Variants in RIMS2 observed in about 807,000 individuals in gnomAD.
RIMS2 encodes regulating synaptic membrane exocytosis protein 2.
RIMS2 carries 59 observed loss-of-function variants against 174.4 expected under a neutral mutation model. The ratio of observed to expected loss-of-function variants is 0.34; its 90% CI spans 0.27 to 0.42. The LOEUF is 0.42. Ranked by LOEUF, RIMS2 falls within the 10% of genes least tolerant of loss-of-function variation. RIMS2 has a pLI of 1.00. For missense variants in RIMS2, 1,620 were observed against 1,666.3 expected (o/e 0.97, Z 0.48); for synonymous variants, 606 against 572.5 (o/e 1.06, Z -0.84).
intron 1 of RIMS2, among the ~76,000 whole-genome samples, chr8:103,502,735 C>T (rs2130798044): frequency 6.6e-6 from 1 of 152,112 alleles, no homozygotes; most frequent in Admixed American, 6.5e-5. Flanking sequence ...TGATAAAAAT[C>T]AGTGCGGCCA....
chr8:103,819,380 T>G, intron 3 of RIMS2: 2 of 1,554,698 alleles, frequency 1.3e-6, no homozygotes, highest in Admixed American at 2.1e-5. Context: ...TTAAGCACAG[T>G]TTTTACAGAG....
chr8:103,981,133 A>G (rs1031485355), intron 16 of RIMS2, among the ~76,000 whole-genome samples: 2 of 152,184 alleles, frequency 1.3e-5, no homozygotes, highest in Non-Finnish European at 2.9e-5. Flanking sequence ...GCAAGACCCA[A>G]TGCTGTTCTG....
intron 1 of RIMS2, among the ~76,000 whole-genome samples, chr8:103,531,035 C>T (rs952332490): frequency 4.7e-5 from 7 of 150,436 alleles, no homozygotes; most frequent in East Asian, 3.9e-4. Context: ...TAATGAGAAA[C>T]GTTAACACAT....
intron 1 of RIMS2, among the ~76,000 whole-genome samples, chr8:103,599,837 T>C (rs905477060): frequency 3.3e-5 from 5 of 152,136 alleles, no homozygotes; most frequent in African/African-American, 7.2e-5. Flanking sequence ...TGAATAGTAA[T>C]CACATCATGG....
intron 19 of RIMS2, among the ~76,000 whole-genome samples, chr8:104,147,222 C>T (rs1440875150): frequency 1.3e-5 from 2 of 152,090 alleles, no homozygotes; most frequent in Admixed American, 6.6e-5. Flanking sequence ...TCTCTCCCCA[C>T]CCACCTGCGC....
chr8:103,592,769 A>T (rs2094321846), intron 1 of RIMS2, among the ~76,000 whole-genome samples: 1 of 151,468 alleles, frequency 6.6e-6, no homozygotes, highest in Non-Finnish European at 1.5e-5. Flanking sequence ...CACATTTTTC[A>T]CAAGACACAT....
At chr8:103,502,345 C>T (rs931174534) in intron 1 of RIMS2, among the ~76,000 whole-genome samples, 3 of 152,146 alleles carry the variant, frequency 2.0e-5, no homozygotes, top group African/African-American at 7.2e-5. Context: ...AAAAATACCA[C>T]TTTAAATAAT....
chr8:103,688,737 A>G (rs2096973468), intron 1 of RIMS2, among the ~76,000 whole-genome samples: 1 of 151,840 alleles, frequency 6.6e-6, no homozygotes, highest in Non-Finnish European at 1.5e-5. Context: ...ATGAACTTTA[A>G]TGTCTCCTCT....
chr8:103,579,300 C>A (rs551414522), intron 1 of RIMS2, among the ~76,000 whole-genome samples: 1 of 152,126 alleles, frequency 6.6e-6, no homozygotes, highest in Non-Finnish European at 1.5e-5. Flanking sequence ...GACACACACA[C>A]ACACACACGA....
At chr8:103,574,632 T>C (rs2093077631) in intron 1 of RIMS2, among the ~76,000 whole-genome samples, 1 of 152,214 alleles carries the variant, frequency 6.6e-6, no homozygotes, top group African/African-American at 2.4e-5. Context: ...TAAATATGCT[T>C]CTTGGTCTTC....
chr8:103,905,667 T>C (rs1034177560), intron 4 of RIMS2, among the ~76,000 whole-genome samples: 2 of 151,932 alleles, frequency 1.3e-5, no homozygotes, highest in African/African-American at 2.4e-5. Context: ...GAATACTTTT[T>C]TTTTTTTTAG....
intron 6 of RIMS2, 99 bp downstream of exon 9, chr8:103,912,271 A>G (rs1031367700): frequency 1.3e-6 from 1 of 773,904 alleles, no homozygotes; most frequent in Non-Finnish European, 2.0e-6. Flanking sequence ...TTAGTAGTGT[A>G]TTTTTCCATT....
At chr8:103,574,714 C>A (rs1341768515) in intron 1 of RIMS2, among the ~76,000 whole-genome samples, 1 of 152,112 alleles carries the variant, frequency 6.6e-6, no homozygotes, top group Non-Finnish European at 1.5e-5. Flanking sequence ...TTTTCATGAA[C>A]TTTAGTAATT....
intron 2 of RIMS2, among the ~76,000 whole-genome samples, chr8:103,762,005 A>G (rs1341586497): frequency 1.3e-5 from 2 of 150,202 alleles, no homozygotes; most frequent in East Asian, 1.9e-4. Flanking sequence ...CAATTATTGT[A>G]TATACCTAAT....
In RIMS2 at chr8:103,889,077, A is replaced by C. The variant is rs112705582; in HGVS notation, c.1624+2854A>C. On this transcript the variant is annotated intron_variant, in intron 4 of 23. Coordinates refer to ENST00000504942, the Ensembl canonical transcript of RIMS2. ...AGATTGAGTTATGTCTTGACTTTTC[A>C]TCATTATAGTAGCATTTTTTTATTA... is the stretch of plus-strand genomic sequence containing the variant. 4.3e-3 allele frequency among the ~76,000 whole-genome samples: 658 copies of C among 151,738 alleles called. 7 individuals are homozygous for C. The highest frequency in any genetic ancestry group is 0.015 in the African/African-American group (618 of 41,512).
At chr8:103,627,226 C>T (rs964031685) in intron 1 of RIMS2, among the ~76,000 whole-genome samples, 4 of 152,178 alleles carry the variant, frequency 2.6e-5, no homozygotes, top group East Asian at 1.9e-4. Flanking sequence ...CTTGCACATC[C>T]GTTTATAGGC....
chr8:104,210,918 T>A (rs181016685), intron 19 of RIMS2, among the ~76,000 whole-genome samples: 1 of 152,318 alleles, frequency 6.6e-6, no homozygotes, highest in African/African-American at 2.4e-5. Context: ...GGGAGTAAGA[T>A]GATCGACTGC....
At chr8:103,845,225 C>A (rs1395228841) in intron 3 of RIMS2, among the ~76,000 whole-genome samples, 3 of 152,054 alleles carry the variant, frequency 2.0e-5, no homozygotes, top group Non-Finnish European at 4.4e-5. Context: ...GCTTGTACAT[C>A]ACTCTTTTTT....
chr8:103,595,128 C>G (rs1588536944), intron 1 of RIMS2, among the ~76,000 whole-genome samples: 1 of 151,592 alleles, frequency 6.6e-6, no homozygotes, highest in South Asian at 2.1e-4. Context: ...ATATGTAATT[C>G]TTATTGTGGA....
Sources: gnomAD v4.1 joint callset for allele counts (sites outside exome capture counted in the v4.1 genomes callset) on GRCh38, gnomAD v4.1.1 for gene constraint, MANE v1.5 for transcripts, NCBI Gene and HGNC (gene_info 2026-07-23, HGNC 2026-07-21) for gene names.